DDX4: variants seen among roughly 807,000 people sequenced by gnomAD.
The protein encoded by DDX4 is probable ATP-dependent RNA helicase DDX4.
Under a neutral mutation model 100.0 loss-of-function variants are expected in DDX4, and 25 were observed. The observed-to-expected ratio is 0.25, with a 90% confidence interval of 0.18 to 0.35. DDX4 has a LOEUF of 0.35. Among genes scored for constraint, DDX4 ranks in the 10% least tolerant of loss-of-function variants. The pLI is 1.00. For missense variants in DDX4, 635 were observed against 882.4 expected (o/e 0.72, Z 3.55); for synonymous variants, 259 against 275.7 (o/e 0.94, Z 0.60).
chr5:55,769,853 A>G (rs986343010), intron 7 of DDX4, among the ~76,000 whole-genome samples: 3 of 151,866 alleles, frequency 2.0e-5, no homozygotes, highest in Non-Finnish European at 2.9e-5. Flanking sequence ...GAGCACAAAA[A>G]TAATGCCTTC....
At chr5:55,752,272 C>T (rs867137618) in intron 3 of DDX4, among the ~76,000 whole-genome samples, 255 of 149,034 alleles carry the variant, frequency 1.7e-3, no homozygotes, top group Non-Finnish European at 2.9e-3. Flanking sequence ...CATGCTGGTG[C>T]GCTGCACCCA....
At chr5:55,739,477 T>G (rs1173741404) in intron 2 of DDX4, among the ~76,000 whole-genome samples, 1 of 152,204 alleles carries the variant, frequency 6.6e-6, no homozygotes, top group Non-Finnish European at 1.5e-5. Context: ...GTATGAATCT[T>G]CAGATCTTTT....
Position 55,780,762 on chromosome 5 carries a change from G to T in DDX4, c.497-304G>T, listed in dbSNP as rs1334947202. On this transcript the variant is annotated intron_variant, in intron 8 of 21. Transcript: ENST00000505374. ...TTTAACTTGCTTGTATCATATTTTG[G>T]CATAGCACTGGCCCTAATTTATTTA... Among the ~76,000 whole-genome samples, 9 of 152,058 alleles carry T rather than the reference G, an allele frequency of 5.9e-5. No individual in the cohort carries two copies. Among genetic ancestry groups the T allele is most frequent in the Non-Finnish European group, 8.8e-5 (6 of 68,018 alleles).
intron 6 of DDX4, among the ~76,000 whole-genome samples, chr5:55,767,540 T>C (rs1740998685): frequency 6.6e-6 from 1 of 152,232 alleles, no homozygotes; most frequent in African/African-American, 2.4e-5. Flanking sequence ...ACTTAATAGC[T>C]TAGATGTTCC....
intron 3 of DDX4, among the ~76,000 whole-genome samples, chr5:55,758,868 T>TAAAAAAAA (rs35392036): frequency 8.5e-5 from 6 of 70,322 alleles, no homozygotes; most frequent in African/African-American, 3.4e-4. Flanking sequence ...TTTGTTTCCT[T>TAAAAAAAA]AAAAAAAAAA....
intron 2 of DDX4, among the ~76,000 whole-genome samples, chr5:55,745,513 C>T (rs1196004281): frequency 2.6e-5 from 4 of 152,072 alleles, no homozygotes; most frequent in Non-Finnish European, 5.9e-5. Context: ...ACTTCTGCCT[C>T]CCAGGCGAAG....
intron 17 of DDX4, among the ~76,000 whole-genome samples, chr5:55,798,019 A>C (rs3789194): frequency 0.34 from 52,021 of 152,102 alleles, 9,779 homozygotes; most frequent in East Asian, 0.47. Flanking sequence ...TAATAGCATA[A>C]ATAAAAGCAA....
At chr5:55,807,941 A>C (rs930273884) in intron 18 of DDX4, among the ~76,000 whole-genome samples, 4 of 152,050 alleles carry the variant, frequency 2.6e-5, no homozygotes, top group African/African-American at 9.7e-5. Flanking sequence ...TCTCCCTGTC[A>C]CTTTCAGGTA....
intron 18 of DDX4, among the ~76,000 whole-genome samples, chr5:55,810,273 T>C (rs1744046304): frequency 6.6e-6 from 1 of 152,014 alleles, no homozygotes; most frequent in African/African-American, 2.4e-5. Flanking sequence ...CCTGGCTAAT[T>C]TTTGTATTTT....
In DDX4 at chr5:55,763,181, G is replaced by T; in HGVS notation, c.212G>T (p.Gly71Val). Residue 71 changes from glycine (G) to valine (V), a missense_variant, in exon 5 of 22, where the codon GGT becomes GTT. Physicochemically the swap from Gly to Val is moderately radical, Grantham distance 109. Around this residue, in one of 4 missense-constraint regions of DDX4, gnomAD observed 446 missense variants for 540.8 expected, o/e 0.82. Coordinates refer to ENST00000505374, the MANE Select transcript of DDX4 (RefSeq NM_024415.3). ...ACTGTCCACCCTTTTTCAGATGCTGGTGAGTGTAATAAGCGAGATAATACA... is the reference window on the plus strand; with the variant it reads ...ACTGTCCACCCTTTTTCAGATGCTGTTGAGTGTAATAAGCGAGATAATACA... ...SGRNFGNRDA[G>V]ECNKRDNTST... is the part of the protein sequence containing the mutation. 1 of 1,608,904 alleles carries T rather than the reference G, an allele frequency of 6.2e-7. No homozygotes were observed. Among genetic ancestry groups the T allele is most frequent in the Non-Finnish European group, 8.5e-7 (1 of 1,175,830 alleles).
chr5:55,808,984 G>A (rs1023670304), intron 18 of DDX4, among the ~76,000 whole-genome samples: 22 of 152,206 alleles, frequency 1.4e-4, no homozygotes, highest in African/African-American at 4.6e-4. Flanking sequence ...CTTCCTGGCC[G>A]CTTTGTTTAC....
chr5:55,766,302 A>G (rs1169919296), intron 6 of DDX4, among the ~76,000 whole-genome samples: 4 of 152,148 alleles, frequency 2.6e-5, no homozygotes, highest in African/African-American at 7.2e-5. Flanking sequence ...TCATGTACCC[A>G]TCACCCAACT....
chr5:55,743,240 CG>C (rs1462327582), intron 2 of DDX4, among the ~76,000 whole-genome samples: 1 of 152,128 alleles, frequency 6.6e-6, no homozygotes, highest in Non-Finnish European at 1.5e-5. Flanking sequence ...GGGCATTCCT[CG>C]GCTTGTGGCT....
chr5:55,787,368 G>A (rs1245504146), intron 14 of DDX4, among the ~76,000 whole-genome samples: 1 of 152,168 alleles, frequency 6.6e-6, no homozygotes, highest in African/African-American at 2.4e-5. Flanking sequence ...CAAAATTTCT[G>A]TTGCCAGATG....
intron 3 of DDX4, among the ~76,000 whole-genome samples, chr5:55,746,531 G>C (rs1181644771): frequency 6.6e-6 from 1 of 152,198 alleles, no homozygotes; most frequent in Non-Finnish European, 1.5e-5. Context: ...TAAGGGAGTA[G>C]AATATAGGAC....
intron 3 of DDX4, among the ~76,000 whole-genome samples, chr5:55,748,079 A>G (rs1212493079): frequency 6.6e-6 from 1 of 152,210 alleles, no homozygotes; most frequent in Non-Finnish European, 1.5e-5. Context: ...AGTTCAGGGT[A>G]AATATCTTGA....
intron 9 of DDX4, among the ~76,000 whole-genome samples, chr5:55,781,584 G>T (rs934200809): frequency 1.3e-5 from 2 of 151,886 alleles, no homozygotes; most frequent in Non-Finnish European, 2.9e-5. Flanking sequence ...CGACACCAGC[G>T]TGGCCAACAT....
At chr5:55,785,523 G>A (rs1328954136) in intron 12 of DDX4, 29 bp downstream of exon 12, 22 of 1,507,692 alleles carry the variant, frequency 1.5e-5, no homozygotes, top group Non-Finnish European at 2.0e-5. Flanking sequence ...GACTCACATA[G>A]AAGTATGTTG....
intron 18 of DDX4, among the ~76,000 whole-genome samples, chr5:55,808,827 C>G (rs1391514807): frequency 6.6e-6 from 1 of 152,184 alleles, no homozygotes; most frequent in African/African-American, 2.4e-5. Flanking sequence ...GGGAGAACCA[C>G]TACTCTCTTC....
Sources: gnomAD v4.1 joint callset for allele counts (sites outside exome capture counted in the v4.1 genomes callset) on GRCh38, gnomAD v4.1.1 for gene constraint, gnomAD v4.1.1 regional missense constraint, MANE v1.5 for transcripts, NCBI Gene and HGNC (gene_info 2026-07-23, HGNC 2026-07-21) for gene names.